Variants in MTOR observed in about 807,000 individuals in gnomAD.
The protein encoded by MTOR is serine/threonine-protein kinase mTOR.
In MTOR, 70 loss-of-function variants were observed where a neutral mutation model predicts 319.8. That is an observed-to-expected ratio of 0.22 (90% CI 0.18 to 0.27). The LOEUF (loss-of-function observed/expected upper bound fraction) is 0.27. MTOR is among the 10% of genes least tolerant of loss of function. The pLI is 1.00. For missense variants in MTOR, 1,890 were observed against 3,274.4 expected (o/e 0.58, Z 10.32); for synonymous variants, 1,183 against 1,211.4 (o/e 0.98, Z 0.49).
In MTOR at chr1:11,157,307, G is replaced by A. The variant is rs2100568949; in HGVS notation, c.4330-16C>T. ...CCTGGATCTCCTGTTACATGGGAAA[G>A]AAAGACTGCTGTGAGGTACACAGAA... On this transcript the variant is annotated splice_polypyrimidine_tract_variant and intron_variant, in intron 29 of 57. Coordinates refer to ENST00000361445, the MANE Select transcript of MTOR (RefSeq NM_004958.4). The A allele has an allele frequency of 6.2e-7, 1 of 1,610,786 alleles. No individual in the cohort carries two copies. The highest frequency in any genetic ancestry group is 8.5e-7 in the Non-Finnish European group (1 of 1,178,642).
chr1:11,251,656 T>C (rs1203898571), intron 6 of MTOR, among the ~76,000 whole-genome samples: 1 of 116,932 alleles, frequency 8.6e-6, no homozygotes, highest in Non-Finnish European at 1.7e-5. Context: ...AGATAGTTTC[T>C]TTTTTTTTTT....
chr1:11,224,260 C>T (rs1164483929), intron 19 of MTOR, among the ~76,000 whole-genome samples: 1 of 151,776 alleles, frequency 6.6e-6, no homozygotes, highest in Non-Finnish European at 1.5e-5. Flanking sequence ...AAGACATATA[C>T]CTCCAAAAAA....
Position 11,107,457 on chromosome 1 carries a change from A to C in MTOR, c.*28T>G, listed in dbSNP as rs781267576. The C allele has an allele frequency of 1.2e-6, 2 of 1,605,970 alleles. No individual in the cohort carries two copies. The highest frequency in any genetic ancestry group is 2.2e-5 in the East Asian group (1 of 44,836). ...ACTAAAGTACAAAAGCCTCAGAAAA[A>C]ACGTGATGGGCACATCTGGGCCTCC... On this transcript the variant is annotated 3_prime_UTR_variant, in exon 58 of 58. Coordinates refer to ENST00000361445, the MANE Select transcript of MTOR (RefSeq NM_004958.4).
At chr1:11,256,843 T>A (rs997423793) in intron 4 of MTOR, 90 bp downstream of exon 4, 4 of 1,303,352 alleles carry the variant, frequency 3.1e-6, no homozygotes, top group South Asian at 1.3e-5. Context: ...CCAGCTTTTT[T>A]AAGGAATGAG....
Position 11,238,515 on chromosome 1 carries a change from A to C in MTOR, c.1889T>G (p.Leu630Arg), listed in dbSNP as rs1216306473. The change falls in exon 12 of 58, where the codon CTC (leucine) becomes CGC (arginine). Residue 630 changes from leucine (L) to arginine (R), a missense_variant. By Grantham distance (102) the Leu-to-Arg change is moderately radical. This residue lies in a region of MTOR where 418 missense variants were observed against 543.1 expected (regional missense o/e 0.77). Transcript: ENST00000361445. ...ACTGATGAGGTGGATGGAGGGTGTGAGCAGGCGGGAGCAGGTGCGGGCAGC... is the reference window on the plus strand; with the variant it reads ...ACTGATGAGGTGGATGGAGGGTGTGCGCAGGCGGGAGCAGGTGCGGGCAGC... ...MEAARTCSRL[L>R]TPSIHLISGH... 6.2e-7 allele frequency: 1 copy of C among 1,614,080 alleles called. No homozygotes were observed. The highest frequency in any genetic ancestry group is 8.5e-7 in the Non-Finnish European group (1 of 1,180,034).
At chr1:11,125,666 T>C (rs921199499) in intron 46 of MTOR, among the ~76,000 whole-genome samples, 3 of 143,496 alleles carry the variant, frequency 2.1e-5, no homozygotes, top group African/African-American at 7.9e-5. Context: ...GGAGGTGGGG[T>C]TGCAGTGAGC....
At chr1:11,251,448 A>G (rs1649656068) in intron 6 of MTOR, among the ~76,000 whole-genome samples, 1 of 152,088 alleles carries the variant, frequency 6.6e-6, no homozygotes, top group Admixed American at 6.6e-5. Flanking sequence ...ACTTTTCTCC[A>G]TAGCTCTTAT....
rs762660728 is a variant in MTOR, at chr1:11,130,550, C to T, written c.5592G>A (p.Pro1864=). 15 of 1,612,780 alleles carry T rather than the reference C, an allele frequency of 9.3e-6. No individual in the cohort carries two copies. The highest frequency in any genetic ancestry group is 2.2e-5 in the East Asian group (1 of 44,850). ...GTACCTCAGTGACCTTCTTCTGCAG[C>T]GGCGATGGGGTGGGGCTGTTCTCGG... The part of the protein sequence containing the change: ...ESTENSPTPS[P]LQKKVTEDLS... Residue 1864 remains proline, a synonymous_variant, in exon 39 of 58, where the codon CCG becomes CCA. Coordinates refer to ENST00000361445, the MANE Select transcript of MTOR (RefSeq NM_004958.4).
At chr1:11,231,484 A>C in intron 16 of MTOR, 50 bp from the exon 17 acceptor site, 1 of 1,604,718 alleles carries the variant, frequency 6.2e-7, no homozygotes, top group African/African-American at 1.3e-5. Context: ...AGAGAAAAGA[A>C]AGCATAGTTG....
At chr1:11,232,847 C>A (rs774391503) in intron 15 of MTOR, 12 of 518,206 alleles carry the variant, frequency 2.3e-5, no homozygotes, top group Non-Finnish European at 3.8e-5. Context: ...TGCACTCCAG[C>A]CTGGACAAAG....
At position 11,108,230 on chromosome 1, in the gene MTOR, T is replaced by C; in HGVS notation, c.7585A>G (p.Ile2529Val). 1.2e-6 allele frequency: 2 copies of C among 1,613,972 alleles called. No homozygotes were observed. The highest frequency in any genetic ancestry group is 8.5e-7 in the Non-Finnish European group (1 of 1,179,880). The change falls in exon 57 of 58, where the codon ATC (isoleucine) becomes GTC (valine). Residue 2529 changes from isoleucine (I) to valine (V), a missense_variant. Ile to Val is a conservative substitution (Grantham distance 29). This residue lies in a region of MTOR where 31 missense variants were observed against 82.1 expected (regional missense o/e 0.38). Coordinates refer to ENST00000361445, the MANE Select transcript of MTOR (RefSeq NM_004958.4). The stretch of plus-strand genomic sequence containing the variant: ...TTTTCATGGGATGTCGCTTGTTTGA[T>C]GAGCAGCTCAACTTGCGTTGGAACA... ...LDVPTQVELL[I>V]KQATSHENLC... is the part of the protein sequence containing the mutation.
intron 19 of MTOR, among the ~76,000 whole-genome samples, chr1:11,227,114 A>G (rs942980012): frequency 6.6e-6 from 1 of 151,544 alleles, no homozygotes; most frequent in Non-Finnish European, 1.5e-5. Context: ...CCTGGCAAAC[A>G]TGGCGAAACC....
chr1:11,118,220 CTTAG>C (rs1026899254), intron 49 of MTOR, among the ~76,000 whole-genome samples: 8 of 144,824 alleles, frequency 5.5e-5, no homozygotes, highest in Admixed American at 2.1e-4. Flanking sequence ...AAATTCCAAA[CTTAG>C]TTAATTTTTT....
intron 28 of MTOR, among the ~76,000 whole-genome samples, chr1:11,177,047 A>C (rs931329414): frequency 3.9e-5 from 6 of 152,172 alleles, no homozygotes; most frequent in Admixed American, 3.9e-4. Flanking sequence ...GGGGAAGTGA[A>C]GGGAAACAAA....
chr1:11,216,348 C>A, intron 19 of MTOR, 114 bp from the exon 20 acceptor site: 1 of 696,442 alleles, frequency 1.4e-6, no homozygotes, highest in Non-Finnish European at 2.5e-6. Context: ...TTCCACACTA[C>A]ACTATCTACT....
rs182086048 is a variant in MTOR, at chr1:11,117,937, G to A, written c.6934-851C>T. On this transcript the variant is annotated intron_variant, in intron 49 of 57. Transcript: ENST00000361445. ...TCTACTAAAAATGCAAAAATTAGCCGGGTGTGGTGGTGCGTGCCTGTAATC... is the reference window on the plus strand; with the variant it reads ...TCTACTAAAAATGCAAAAATTAGCCAGGTGTGGTGGTGCGTGCCTGTAATC... Among the ~76,000 whole-genome samples the A allele has an allele frequency of 7.6e-3, 1,156 of 152,046 alleles. 19 individuals carry two copies. Among genetic ancestry groups the A allele is most frequent in the African/African-American group, 0.026 (1,084 of 41,498 alleles).
At chr1:11,198,790 T>C (rs74743874) in intron 28 of MTOR, among the ~76,000 whole-genome samples, 1 of 152,166 alleles carries the variant, frequency 6.6e-6, no homozygotes, top group Admixed American at 6.5e-5. Flanking sequence ...AGATTTCAGA[T>C]TATGCTCTGC....
At position 11,200,302 on chromosome 1, in the gene MTOR, T is replaced by C. The variant is rs187527835; in HGVS notation, c.3945-599A>G. On this transcript the variant is annotated intron_variant, in intron 26 of 57. Coordinates refer to ENST00000361445, the MANE Select transcript of MTOR (RefSeq NM_004958.4). Reference sequence around the variant, plus strand: ...ACCAGAATCCTTAGTTGGATGGTCATAAAAAATGACAACAGGACTAGAAGC... The same window carrying C: ...ACCAGAATCCTTAGTTGGATGGTCACAAAAAATGACAACAGGACTAGAAGC... Among the ~76,000 whole-genome samples the C allele has an allele frequency of 2.0e-4, 30 of 152,260 alleles. 1 individual carries two copies. The highest frequency in any genetic ancestry group is 5.5e-4 in the African/African-American group (23 of 41,550).
chr1:11,221,931 T>C (rs1220055146), intron 19 of MTOR, among the ~76,000 whole-genome samples: 2 of 150,256 alleles, frequency 1.3e-5, no homozygotes, highest in African/African-American at 2.4e-5. Context: ...GTTTACAGTA[T>C]AAATAAAGAT....
Sources: gnomAD v4.1 joint callset for allele counts (sites outside exome capture counted in the v4.1 genomes callset) on GRCh38, gnomAD v4.1.1 for gene constraint, gnomAD v4.1.1 regional missense constraint, MANE v1.5 for transcripts, NCBI Gene and HGNC (gene_info 2026-07-23, HGNC 2026-07-21) for gene names.